Variants in MAP3K5 observed in about 807,000 individuals in gnomAD.
The protein encoded by MAP3K5 is ASK-1.
A neutral mutation model predicts 158.7 loss-of-function variants in MAP3K5; 56 were observed. The observed-to-expected ratio is 0.35, with a 90% CI of 0.28 to 0.44. The LOEUF is 0.44. MAP3K5 is among the 20% of genes least tolerant of loss of function. MAP3K5 has a pLI of 1.00. For synonymous variants in MAP3K5, 579 were observed against 601.7 expected, an observed-to-expected ratio of 0.96 and a Z score of 0.55; for missense variants, 1,294 against 1,674.8, an observed-to-expected ratio of 0.77 and a Z score of 3.97.
rs140688572 is a variant in MAP3K5 at position 136,614,891 on chromosome 6, G to A, written c.2151-605C>T. Among the ~76,000 whole-genome samples the A allele has an allele frequency of 3.2e-4, 48 of 152,196 alleles. No individual in the cohort carries two copies. The East Asian group carries it at 8.1e-3, about 26-fold the overall frequency. On this transcript the variant is annotated intron_variant, in intron 15 of 29. Transcript: ENST00000359015. ...TGTCAAATCTCTTTGAGCCCCTTGC[G>A]TCAAAATCTTCACCTTACTGTATCC...
At chr6:136,605,803 C>T (rs775851608) in intron 18 of MAP3K5, among the ~76,000 whole-genome samples, 2 of 152,220 alleles carry the variant, frequency 1.3e-5, no homozygotes, top group Non-Finnish European at 2.9e-5. Context: ...TTCCTTAGCT[C>T]TATCTCTATT....
intron 2 of MAP3K5, among the ~76,000 whole-genome samples, chr6:136,718,240 T>C (rs1258328840): frequency 2.0e-5 from 3 of 152,196 alleles, no homozygotes; most frequent in Admixed American, 2.0e-4. Flanking sequence ...GACAGGGTCT[T>C]GCTGTGTCGC....
chr6:136,740,615 TA>T (rs890852870), intron 1 of MAP3K5, among the ~76,000 whole-genome samples: 10 of 150,850 alleles, frequency 6.6e-5, no homozygotes, highest in Admixed American at 4.6e-4. Context: ...ACTGAGACAA[TA>T]AAAAAAAAGA....
intron 7 of MAP3K5, among the ~76,000 whole-genome samples, chr6:136,671,915 T>C (rs947484365): frequency 6.6e-6 from 1 of 152,018 alleles, no homozygotes; most frequent in Non-Finnish European, 1.5e-5. Context: ...TGTAAGCCAC[T>C]GCACTCGGCC....
intron 14 of MAP3K5, among the ~76,000 whole-genome samples, chr6:136,634,746 A>T (rs186667517): frequency 1.3e-5 from 2 of 151,716 alleles, no homozygotes; most frequent in East Asian, 3.9e-4. Context: ...TGCTCAGCTA[A>T]AGTAGAGACA....
At chr6:136,686,282 AAG>A (rs897784101) in intron 7 of MAP3K5, among the ~76,000 whole-genome samples, 8 of 152,188 alleles carry the variant, frequency 5.3e-5, no homozygotes, top group African/African-American at 1.9e-4. Flanking sequence ...TCAAAATAAT[AAG>A]AGGTATTTAT....
chr6:136,633,339 A>G (rs1192914672), intron 14 of MAP3K5, among the ~76,000 whole-genome samples: 1 of 152,114 alleles, frequency 6.6e-6, no homozygotes, highest in Non-Finnish European at 1.5e-5. Flanking sequence ...TGGAGGTTGC[A>G]GTAAGCCAAG....
chr6:136,568,873 A>AC (rs1403842316), intron 25 of MAP3K5, among the ~76,000 whole-genome samples: 1 of 151,644 alleles, frequency 6.6e-6, no homozygotes. Flanking sequence ...AAAAAAAAAA[A>AC]AAAAAAAACT....
chr6:136,710,896 C>G (rs1482581272), intron 2 of MAP3K5, among the ~76,000 whole-genome samples: 1 of 152,070 alleles, frequency 6.6e-6, no homozygotes, highest in East Asian at 1.9e-4. Context: ...AAGAATAATC[C>G]CTATACTCCT....
At chr6:136,592,933 C>G (rs1775460917) in intron 21 of MAP3K5, among the ~76,000 whole-genome samples, 1 of 152,050 alleles carries the variant, frequency 6.6e-6, no homozygotes, top group Admixed American at 6.5e-5. Flanking sequence ...CTAATTATTT[C>G]TATTTATGGG....
At chr6:136,690,669 T>C (rs906080688) in intron 7 of MAP3K5, among the ~76,000 whole-genome samples, 12 of 152,212 alleles carry the variant, frequency 7.9e-5, no homozygotes, top group Non-Finnish European at 1.6e-4. Context: ...AATCTCTTTT[T>C]CTTAAAGATA....
chr6:136,715,365 G>A (rs2114755340), intron 2 of MAP3K5, among the ~76,000 whole-genome samples: 1 of 152,056 alleles, frequency 6.6e-6, no homozygotes, highest in Admixed American at 6.6e-5. Context: ...TTTTAAAAAA[G>A]GTTAATTATT....
Position 136,643,448 on chromosome 6 carries a change from A to G in MAP3K5, c.1789-879T>C, listed in dbSNP as rs115216660. ...TGACATTCAATTCTGTAAAGTTAAA[A>G]CAACCATGAAAAGGAGTTCTTACCC... On this transcript the variant is annotated intron_variant, in intron 11 of 29. Coordinates refer to ENST00000359015, the MANE Select transcript of MAP3K5 (RefSeq NM_005923.4). Among the ~76,000 whole-genome samples, 715 of 152,326 alleles carry G rather than the reference A, an allele frequency of 4.7e-3. 3 individuals carry two copies. The highest frequency in any genetic ancestry group is 0.016 in the African/African-American group (663 of 41,576).
At chr6:136,565,964 A>C (rs1236814028) in intron 26 of MAP3K5, among the ~76,000 whole-genome samples, 4 of 152,238 alleles carry the variant, frequency 2.6e-5, no homozygotes, top group African/African-American at 7.2e-5. Flanking sequence ...TGACATACTA[A>C]TGTAATAAAG....
At chr6:136,666,324 A>C (rs1779229840) in intron 8 of MAP3K5, among the ~76,000 whole-genome samples, 1 of 152,232 alleles carries the variant, frequency 6.6e-6, no homozygotes, top group Non-Finnish European at 1.5e-5. Flanking sequence ...TAATACATTT[A>C]GGGAGCTTCA....
intron 18 of MAP3K5, among the ~76,000 whole-genome samples, chr6:136,608,136 G>A (rs1363787227): frequency 6.6e-6 from 1 of 152,128 alleles, no homozygotes; most frequent in African/African-American, 2.4e-5. Context: ...AGGAAATGCA[G>A]GAAGGTCCAC....
In MAP3K5 at chr6:136,760,320, G is replaced by A. The variant is rs149634900; in HGVS notation, c.448+31390C>T. 4.6e-5 allele frequency among the ~76,000 whole-genome samples: 7 copies of A among 152,096 alleles called. No individual in the cohort carries two copies. In the East Asian group the frequency reaches 9.7e-4, roughly 21 times the overall value. On this transcript the variant is annotated intron_variant, in intron 1 of 29. Transcript: ENST00000359015. Reference sequence around the variant, plus strand: ...ACAAACATAAGGCCATTTAGTACTAGTAAATCCTATCATAAATCTCAAGGC... The same window carrying A: ...ACAAACATAAGGCCATTTAGTACTAATAAATCCTATCATAAATCTCAAGGC...
chr6:136,567,837 A>G lies in MAP3K5; in HGVS notation c.3555T>C (p.Asp1185=), dbSNP rs1198071268. 6.2e-7 allele frequency: 1 copy of G among 1,614,026 alleles called. No individual in the cohort carries two copies. Among genetic ancestry groups the G allele is most frequent in the Admixed American group, 1.7e-5 (1 of 60,004 alleles). The change falls in exon 26 of 30, where the codon GAT becomes GAC. Residue 1185 remains aspartate, a synonymous_variant. Transcript: ENST00000359015. ...CATCCAAGTCTTCTTGATCAGCAGT[A>G]TCACTCTCAGATGCAAGGCTGAAAT... ...RPHFSLASES[D]TADQEDLDVE... is the part of the protein sequence containing the mutation.
chr6:136,747,306 C>T (rs1385539889), intron 1 of MAP3K5, among the ~76,000 whole-genome samples: 1 of 152,222 alleles, frequency 6.6e-6, no homozygotes. Flanking sequence ...TCCTGGCATC[C>T]ATGACATTTT....
Sources: gnomAD v4.1 joint callset for allele counts (sites outside exome capture counted in the v4.1 genomes callset) on GRCh38, gnomAD v4.1.1 for gene constraint, MANE v1.5 for transcripts, NCBI Gene and HGNC (gene_info 2026-07-23, HGNC 2026-07-21) for gene names.